Variants in CMYA5 observed in about 807,000 individuals in gnomAD.
The protein encoded by CMYA5 is cardiomyopathy-associated protein 5.
CMYA5 carries 246 observed loss-of-function variants against 318.9 expected under a neutral mutation model. That is an observed-to-expected ratio of 0.77 (90% CI 0.70 to 0.86). The LOEUF (loss-of-function observed/expected upper bound fraction) is 0.86. Ranked by LOEUF, CMYA5 falls within the 40% of genes least tolerant of loss-of-function variation. The pLI, the probability that CMYA5 is intolerant of heterozygous loss-of-function variation, is 0.00. For missense variants in CMYA5, 4,589 were observed against 4,678.2 expected, an observed-to-expected ratio of 0.98 and a Z score of 0.56; for synonymous variants, 1,641 against 1,729.5, an observed-to-expected ratio of 0.95 and a Z score of 1.27.
chr5:79,759,666 G>A (rs1828607962), intron 7 of CMYA5, among the ~76,000 whole-genome samples: 1 of 152,186 alleles, frequency 6.6e-6, no homozygotes, highest in South Asian at 2.1e-4. Context: ...TGTGTTGCTT[G>A]TTGAAGACAG....
rs1355628771 is a variant in CMYA5 at position 79,761,814 on chromosome 5, T to G, written c.11264T>G (p.Leu3755Trp). 1 of 1,612,716 alleles carries G rather than the reference T, an allele frequency of 6.2e-7. No individual in the cohort carries two copies. The highest frequency in any genetic ancestry group is 1.7e-5 in the Admixed American group (1 of 59,852). ...TTTTAATTGTGTCTTATGCTAGAGT[T>G]GGTAGAAGAATACAGACTGACAGTG... ...EPQDDQEVNE[L>W]VEEYRLTVKE... is the part of the protein sequence containing the mutation. The change falls in exon 8 of 13, where the codon TTG (leucine) becomes TGG (tryptophan). Residue 3755 changes from leucine (L) to tryptophan (W), a missense_variant. Transcript: ENST00000446378.
intron 6 of CMYA5, among the ~76,000 whole-genome samples, chr5:79,754,009 G>A (rs986772650): frequency 6.6e-5 from 10 of 152,302 alleles, no homozygotes; most frequent in East Asian, 1.9e-4. Context: ...ATGAGAGGAC[G>A]TTTAATATAT....
At chr5:79,757,044 A>C (rs113705032) in intron 6 of CMYA5, among the ~76,000 whole-genome samples, 10,874 of 151,950 alleles carry the variant, frequency 0.072, 820 homozygotes, top group African/African-American at 0.19. Context: ...AATACAAAAA[A>C]ATGAGCTGGG....
intron 5 of CMYA5, among the ~76,000 whole-genome samples, chr5:79,752,261 T>C (rs945760575): frequency 7.9e-5 from 12 of 152,202 alleles, no homozygotes; most frequent in African/African-American, 2.9e-4. Flanking sequence ...ACATCTGCAG[T>C]GTGTAAGTTT....
intron 1 of CMYA5, among the ~76,000 whole-genome samples, chr5:79,709,465 A>G (rs2151077843): frequency 6.6e-6 from 1 of 152,326 alleles, no homozygotes. Context: ...ATCAGTGATC[A>G]AAGTATGGTT....
Position 79,790,989 on chromosome 5 carries a change from G to C in CMYA5, c.11709G>C (p.Leu3903Phe). The stretch of plus-strand genomic sequence containing the variant: ...CAATAGGAACCAGATTTCTCTTGTT[G>C]AGAGAAACAGCTCATCCTGCTCTAC... The part of the protein sequence containing the change: ...ISTRGTRFLL[L>F]RETAHPALHI... The change falls in exon 11 of 13, where the codon TTG (leucine) becomes TTC (phenylalanine). Residue 3903 changes from leucine to phenylalanine, a missense_variant. Around this residue, in one of 3 missense-constraint regions of CMYA5, gnomAD observed 2,431 missense variants for 2,495.1 expected, o/e 0.97. Coordinates refer to ENST00000446378, the MANE Select transcript of CMYA5 (RefSeq NM_153610.5). The C allele has an allele frequency of 6.2e-7, 1 of 1,613,086 alleles. No individual in the cohort carries two copies. The highest frequency in any genetic ancestry group is 8.5e-7 in the Non-Finnish European group (1 of 1,179,208).
rs185614576 is a variant in CMYA5, at chr5:79,715,624, G to A, written c.150-13291G>A. On this transcript the variant is annotated intron_variant, in intron 1 of 12. Transcript: ENST00000446378. ...TTATTACTGTCTCTGGAAACTAGAC[G>A]CCTGGTGAGTGTCAGAGCAGGGGTT... 3.1e-3 allele frequency among the ~76,000 whole-genome samples: 474 copies of A among 152,022 alleles called. 1 individual carries two copies. The highest frequency in any genetic ancestry group is 2.9e-3 in the Non-Finnish European group (194 of 68,010).
chr5:79,732,687 A>G lies in CMYA5; in HGVS notation c.3922A>G (p.Lys1308Glu), dbSNP rs773026982. 1.2e-5 allele frequency: 19 copies of G among 1,613,456 alleles called. No homozygotes were observed. The Admixed American group carries it at 3.2e-4, about 27-fold the overall frequency. ...GAAAATGGAGATGAAACATGATTCC[A>G]AAATAACAACTACACCTATAGTGCT... The part of the protein sequence containing the change: ...AVKMEMKHDS[K>E]ITTTPIVLHS... The change falls in exon 2 of 13, where the codon AAA (lysine) becomes GAA (glutamate). Residue 1308 changes from lysine to glutamate, a missense_variant. Around this residue, in one of 3 missense-constraint regions of CMYA5, gnomAD observed 2,132 missense variants for 2,131.3 expected, o/e 1.00. Transcript: ENST00000446378.
At position 79,731,793 on chromosome 5, in the gene CMYA5, C is replaced by T. The variant is rs865786564; in HGVS notation, c.3028C>T (p.Pro1010Ser). ...CTCAGCATCACAAGTTTCAATCCCT[C>T]CCTTTAGAATCTCAGAAACAGAGAA... Reference protein sequence around the residue: ...PDSASQVSIPPFRISETEKNE... With the variant: ...PDSASQVSIPSFRISETEKNE... Residue 1010 changes from proline (P) to serine (S), a missense_variant, in exon 2 of 13, where the codon CCC becomes TCC. By Grantham distance (74) the Pro-to-Ser change is moderately conservative. This residue lies in a region of CMYA5 where 2,132 missense variants were observed against 2,131.3 expected (regional missense o/e 1.00). Coordinates refer to ENST00000446378, the MANE Select transcript of CMYA5 (RefSeq NM_153610.5). 1 of 1,613,050 alleles carries T rather than the reference C, an allele frequency of 6.2e-7. No homozygotes were observed. The highest frequency in any genetic ancestry group is 8.5e-7 in the Non-Finnish European group (1 of 1,179,568).
chr5:79,789,101 A>G lies in CMYA5; in HGVS notation c.11686A>G (p.Arg3896Gly), dbSNP rs776457913. The G allele has an allele frequency of 6.2e-7, 1 of 1,613,820 alleles. No individual in the cohort carries two copies. Among genetic ancestry groups the G allele is most frequent in the Non-Finnish European group, 8.5e-7 (1 of 1,179,806 alleles). The part of the protein sequence containing the change: ...EQSEAALIST[R>G]GTRFLLLRET... ...GAGTGAAGCTGCTCTCATCTCCACCAGAGGTACTTTCTCCTTTGCACACAG... is the reference window on the plus strand; with the variant it reads ...GAGTGAAGCTGCTCTCATCTCCACCGGAGGTACTTTCTCCTTTGCACACAG... The change falls in exon 10 of 13, where the codon AGA (arginine) becomes GGA (glycine). Residue 3896 changes from arginine to glycine, a missense_variant. Transcript: ENST00000446378.
At position 79,799,871 on chromosome 5, in the gene CMYA5, A is replaced by ACCCCG; in HGVS notation, c.*255_*256insCCCCG. 1 of 186,866 alleles carries ACCCCG rather than the reference A, an allele frequency of 5.4e-6. No homozygotes were observed. The highest frequency in any genetic ancestry group is 1.0e-5 in the Non-Finnish European group (1 of 96,372). 11.6% of individuals were successfully genotyped at this position (186,866 alleles called of 1,614,324 possible). A position where few individuals can be genotyped will look rare whatever the true frequency, so the allele number is the denominator to read the frequency against. On this transcript the variant is annotated 3_prime_UTR_variant, in exon 13 of 13. Transcript: ENST00000446378. ...ATAAGTTTGAGTTCTTTCCTAAATT[A>ACCCCG]AAAGATCTACACTTGAGTTGGGAAC...
At position 79,729,345 on chromosome 5, in the gene CMYA5, A is replaced by G; in HGVS notation, c.580A>G (p.Lys194Glu). 6.2e-7 allele frequency: 1 copy of G among 1,612,846 alleles called. No homozygotes were observed. The highest frequency in any genetic ancestry group is 8.5e-7 in the Non-Finnish European group (1 of 1,179,670). The change falls in exon 2 of 13, where the codon AAA (lysine) becomes GAA (glutamate). Residue 194 changes from lysine (K) to glutamate (E), a missense_variant. Around this residue, in one of 3 missense-constraint regions of CMYA5, gnomAD observed 2,132 missense variants for 2,131.3 expected, o/e 1.00. Transcript: ENST00000446378. ...TACTGGCATTTATGATAAAGCAAGA[A>G]AAAAGAAGACCACTTCAAATACACC... is the stretch of plus-strand genomic sequence containing the variant. ...SYTGIYDKAR[K>E]KKTTSNTPPI...
Position 79,731,783 on chromosome 5 carries a change from T to G in CMYA5, c.3018T>G (p.Val1006=). The G allele has an allele frequency of 1.2e-6, 2 of 1,613,206 alleles. No homozygotes were observed. The highest frequency in any genetic ancestry group is 1.7e-6 in the Non-Finnish European group (2 of 1,179,628). Residue 1006 remains valine (V), a synonymous_variant, in exon 2 of 13, where the codon GTT becomes GTG. Transcript: ENST00000446378. The stretch of plus-strand genomic sequence containing the variant: ...TCTCTCCAGACTCAGCATCACAAGT[T>G]TCAATCCCTCCCTTTAGAATCTCAG... ...ELFSPDSASQ[V]SIPPFRISET...
intron 1 of CMYA5, among the ~76,000 whole-genome samples, chr5:79,706,661 C>G (rs1277959614): frequency 6.6e-6 from 1 of 152,140 alleles, no homozygotes; most frequent in Non-Finnish European, 1.5e-5. Flanking sequence ...ATCTGCTTTT[C>G]TGGGATAGGA....
intron 6 of CMYA5, among the ~76,000 whole-genome samples, chr5:79,753,854 T>A (rs1828479077): frequency 6.6e-6 from 1 of 152,236 alleles, no homozygotes; most frequent in African/African-American, 2.4e-5. Flanking sequence ...AGTGTTTTCT[T>A]GTAATGTCTT....
intron 6 of CMYA5, among the ~76,000 whole-genome samples, chr5:79,754,148 C>T (rs906238900): frequency 2.0e-5 from 3 of 152,154 alleles, no homozygotes; most frequent in Admixed American, 6.5e-5. Flanking sequence ...TTACTTTGTG[C>T]GTCTGTTTCA....
chr5:79,725,191 T>G (rs1827720801), intron 1 of CMYA5, among the ~76,000 whole-genome samples: 1 of 152,156 alleles, frequency 6.6e-6, no homozygotes, highest in Admixed American at 6.5e-5. Context: ...CACTTCACAA[T>G]AGCAAAGACA....
At chr5:79,794,067 T>A (rs1257622607) in intron 12 of CMYA5, among the ~76,000 whole-genome samples, 1 of 151,350 alleles carries the variant, frequency 6.6e-6, no homozygotes, top group Non-Finnish European at 1.5e-5. Context: ...CTAAAAGGAG[T>A]CCCTCCACAG....
intron 9 of CMYA5, among the ~76,000 whole-genome samples, chr5:79,787,620 T>C (rs1245168067): frequency 6.6e-6 from 1 of 152,210 alleles, no homozygotes; most frequent in Non-Finnish European, 1.5e-5. Flanking sequence ...TGATCAGTTC[T>C]AAAATAACAA....
Sources: gnomAD v4.1 joint callset for allele counts (sites outside exome capture counted in the v4.1 genomes callset) on GRCh38, gnomAD v4.1.1 for gene constraint, gnomAD v4.1.1 regional missense constraint, MANE v1.5 for transcripts, NCBI Gene and HGNC (gene_info 2026-07-23, HGNC 2026-07-21) for gene names.